Variants in PTPRR observed in about 807,000 individuals in gnomAD.
The protein encoded by PTPRR is protein tyrosine phosphatase receptor type R.
PTPRR carries 38 observed loss-of-function variants against 77.2 expected under a neutral mutation model. That is an observed-to-expected ratio of 0.49 (90% CI 0.38 to 0.65). The LOEUF is 0.65. PTPRR is among the 30% of genes least tolerant of loss of function. PTPRR has a pLI of 0.00. For missense variants in PTPRR, 744 were observed against 799.2 expected (o/e 0.93, Z 0.83); for synonymous variants, 299 against 283.1 (o/e 1.06, Z -0.57).
intron 2 of PTPRR, among the ~76,000 whole-genome samples, chr12:70,781,987 G>C (rs1891212275): frequency 6.6e-6 from 1 of 151,984 alleles, no homozygotes; most frequent in Admixed American, 6.6e-5. Flanking sequence ...TCATATCCTT[G>C]CTCAGTTGTT....
At chr12:70,685,623 C>T (rs900844467) in intron 8 of PTPRR, among the ~76,000 whole-genome samples, 2 of 152,030 alleles carry the variant, frequency 1.3e-5, no homozygotes, top group African/African-American at 4.8e-5. Context: ...GCACTCCAGC[C>T]TGGACAACAG....
At chr12:70,829,395 T>C (rs555811232) in intron 2 of PTPRR, among the ~76,000 whole-genome samples, 1 of 152,286 alleles carries the variant, frequency 6.6e-6, no homozygotes, top group Non-Finnish European at 1.5e-5. Context: ...CTGGGATTTC[T>C]AGGCTGGGAA....
chr12:70,890,293 C>T lies in PTPRR; in HGVS notation c.357+2386G>A, dbSNP rs568505299. On this transcript the variant is annotated intron_variant, in intron 2 of 13. Transcript: ENST00000283228. ...GGATAAACATTCTAATTGTGTTGTACTCTCCTTGTAACAAATAAACTATAA... is the reference window on the plus strand; with the variant it reads ...GGATAAACATTCTAATTGTGTTGTATTCTCCTTGTAACAAATAAACTATAA... 1.4e-3 allele frequency among the ~76,000 whole-genome samples: 213 copies of T among 152,148 alleles called. 2 individuals carry two copies. Among genetic ancestry groups the T allele is most frequent in the African/African-American group, 4.9e-3 (205 of 41,526 alleles).
In PTPRR at chr12:70,791,349, C is replaced by T. The variant is rs1378175689; in HGVS notation, c.358-26571G>A. On this transcript the variant is annotated intron_variant, in intron 2 of 13. Transcript: ENST00000283228. ...AAAAACTGTCTCACTGTTAGAAATC[C>T]TCTGAGATATATGCAGGGCTAACTC... Among the ~76,000 whole-genome samples, 3 of 152,280 alleles carry T rather than the reference C, an allele frequency of 2.0e-5. No homozygotes were observed. In the East Asian group the frequency reaches 5.8e-4, roughly 29 times the overall value.
intron 2 of PTPRR, among the ~76,000 whole-genome samples, chr12:70,891,393 TAC>T (rs1210142096): frequency 2.6e-5 from 4 of 152,224 alleles, no homozygotes; most frequent in Admixed American, 1.3e-4. Flanking sequence ...CATCTCCAGA[TAC>T]AGAGACATCA....
At chr12:70,812,210 A>G (rs907040400) in intron 2 of PTPRR, among the ~76,000 whole-genome samples, 1 of 152,232 alleles carries the variant, frequency 6.6e-6, no homozygotes, top group African/African-American at 2.4e-5. Context: ...CCTCGGTTCT[A>G]TAAGATGCTG....
In PTPRR at chr12:70,667,462, C is replaced by T. The variant is rs973730433; in HGVS notation, c.1498-4857G>A. On this transcript the variant is annotated intron_variant, in intron 10 of 13. Transcript: ENST00000283228. ...CACCCTTAATTGCTTGGTCAGCATA[C>T]CCATCAACCCCCTGGTTACCCATGA... Among the ~76,000 whole-genome samples, 5 of 152,282 alleles carry T rather than the reference C, an allele frequency of 3.3e-5. No homozygotes were observed. In the South Asian group the frequency reaches 8.3e-4, roughly 25 times the overall value.
At chr12:70,643,981 G>A (rs1006335061) in intron 13 of PTPRR, among the ~76,000 whole-genome samples, 7 of 152,018 alleles carry the variant, frequency 4.6e-5, no homozygotes, top group African/African-American at 1.7e-4. Context: ...GCTTATGTTA[G>A]AACTAAAACA....
At chr12:70,892,584 G>T in intron 2 of PTPRR, 95 bp downstream of exon 2, 1 of 1,408,492 alleles carries the variant, frequency 7.1e-7, no homozygotes, top group Non-Finnish European at 9.8e-7. Context: ...GGGATTCATT[G>T]ATAACTATTC....
intron 2 of PTPRR, among the ~76,000 whole-genome samples, chr12:70,830,805 A>G (rs1219884334): frequency 1.3e-5 from 2 of 152,238 alleles, no homozygotes; most frequent in African/African-American, 4.8e-5. Flanking sequence ...TTCTCTATGC[A>G]TGCAAATGAC....
At chr12:70,898,147 TATAATA>T (rs767598193) in intron 1 of PTPRR, among the ~76,000 whole-genome samples, 2 of 139,920 alleles carry the variant, frequency 1.4e-5, no homozygotes, top group East Asian at 2.4e-4. Flanking sequence ...AAACTTAAAG[TATAATA>T]ATAATAATAA....
At chr12:70,653,416 A>G (rs1886466282) in intron 13 of PTPRR, among the ~76,000 whole-genome samples, 3 of 152,206 alleles carry the variant, frequency 2.0e-5, no homozygotes, top group Admixed American at 2.0e-4. Flanking sequence ...TATGTACCAA[A>G]AGAAAACATT....
chr12:70,688,511 A>C (rs1887950074), intron 8 of PTPRR, among the ~76,000 whole-genome samples: 1 of 152,220 alleles, frequency 6.6e-6, no homozygotes, highest in Non-Finnish European at 1.5e-5. Flanking sequence ...CATACCTGTT[A>C]GAAGGGCTAT....
At chr12:70,763,168 G>T (rs1418923538) in intron 3 of PTPRR, among the ~76,000 whole-genome samples, 1 of 151,114 alleles carries the variant, frequency 6.6e-6, no homozygotes, top group African/African-American at 2.4e-5. Context: ...CGCTCTTGTT[G>T]TCCAGGCTGG....
chr12:70,882,864 G>A (rs1322517987), intron 2 of PTPRR, among the ~76,000 whole-genome samples: 5 of 152,170 alleles, frequency 3.3e-5, no homozygotes. Context: ...TCTTCCTATA[G>A]TTACTATTTA....
intron 2 of PTPRR, chr12:70,788,706 A>G: frequency 1.2e-6 from 1 of 807,396 alleles, no homozygotes; most frequent in East Asian, 2.8e-5. Context: ...ATGCTGACTC[A>G]TTTTTCTACA....
At chr12:70,694,540 A>G (rs955491553) in intron 8 of PTPRR, among the ~76,000 whole-genome samples, 3 of 152,176 alleles carry the variant, frequency 2.0e-5, no homozygotes, top group African/African-American at 7.2e-5. Flanking sequence ...TTCTAAGCAA[A>G]TTAACACAGG....
intron 2 of PTPRR, among the ~76,000 whole-genome samples, chr12:70,832,613 G>T (rs1892233882): frequency 6.6e-6 from 1 of 152,074 alleles, no homozygotes; most frequent in South Asian, 2.1e-4. Context: ...TTAAGAGGTG[G>T]TCTAAGAGGA....
At chr12:70,730,058 A>G (rs1727781184) in intron 6 of PTPRR, among the ~76,000 whole-genome samples, 1 of 152,176 alleles carries the variant, frequency 6.6e-6, no homozygotes, top group Non-Finnish European at 1.5e-5. Context: ...TGTGTTAAAG[A>G]TTTTGTGAGA....
Sources: allele counts gnomAD v4.1 joint callset (sites outside exome capture counted in the v4.1 genomes callset), GRCh38; gene constraint gnomAD v4.1.1; transcripts MANE v1.5; gene names NCBI Gene and HGNC (gene_info 2026-07-23, HGNC 2026-07-21).